Variants in UBOX5 observed in about 807,000 individuals in gnomAD.
UBOX5 encodes U-box domain containing 5.
Under a neutral mutation model 39.0 loss-of-function variants are expected in UBOX5, and 28 were observed. The observed-to-expected ratio is 0.72, with a 90% CI of 0.53 to 0.98. The LOEUF is 0.98. Among genes scored for constraint, UBOX5 ranks in the 50% least tolerant of loss-of-function variants. The pLI is 0.00. For missense variants in UBOX5, 585 were observed against 674.4 expected (o/e 0.87, Z 1.47); for synonymous variants, 283 against 275.5 (o/e 1.03, Z -0.27).
intron 3 of UBOX5, among the ~76,000 whole-genome samples, chr20:3,118,900 C>T (rs1432827069): frequency 1.3e-5 from 2 of 152,104 alleles, no homozygotes; most frequent in Non-Finnish European, 2.9e-5. Flanking sequence ...GATCACACCA[C>T]TGCACTCTAC....
chr20:3,121,106 C>T (rs986739652), intron 3 of UBOX5, among the ~76,000 whole-genome samples: 4 of 152,180 alleles, frequency 2.6e-5, no homozygotes, highest in African/African-American at 4.8e-5. Context: ...GGCAACAGTG[C>T]CCATGGGACC....
At chr20:3,144,664 C>G (rs1016398641) in intron 1 of UBOX5, among the ~76,000 whole-genome samples, 5 of 152,162 alleles carry the variant, frequency 3.3e-5, no homozygotes, top group Admixed American at 2.6e-4. Context: ...GAAGACAACT[C>G]ACAGAATGGG....
chr20:3,134,557 G>GAA (rs34926292), intron 1 of UBOX5, among the ~76,000 whole-genome samples: 1 of 81,986 alleles, frequency 1.2e-5, no homozygotes, highest in Non-Finnish European at 2.3e-5. Context: ...GACCCCATCT[G>GAA]AAAAAAAAAA....
intron 1 of UBOX5, among the ~76,000 whole-genome samples, chr20:3,157,561 A>AG (rs2122135705): frequency 6.6e-6 from 1 of 152,370 alleles, no homozygotes; most frequent in South Asian, 2.1e-4. Context: ...AGTATGACTA[A>AG]GCCCTGTAGA....
chr20:3,142,130 A>C (rs1392182293), intron 1 of UBOX5, among the ~76,000 whole-genome samples: 1 of 149,276 alleles, frequency 6.7e-6, no homozygotes, highest in Non-Finnish European at 1.5e-5. Flanking sequence ...CTGCACTCCC[A>C]GTATGGGCAA....
intron 1 of UBOX5, among the ~76,000 whole-genome samples, chr20:3,132,906 G>C (rs1476517235): frequency 6.6e-6 from 1 of 151,426 alleles, no homozygotes; most frequent in Non-Finnish European, 1.5e-5. Context: ...GGGATTGCTT[G>C]AGGTCAGAAG....
intron 1 of UBOX5, among the ~76,000 whole-genome samples, chr20:3,125,344 C>T (rs375428667): frequency 5.0e-5 from 7 of 139,502 alleles, no homozygotes; most frequent in South Asian, 4.7e-4. Context: ...CCGGCTGCCC[C>T]GTCTGGGAGG....
intron 1 of UBOX5, among the ~76,000 whole-genome samples, chr20:3,144,103 T>C (rs1339760048): frequency 6.6e-6 from 1 of 152,120 alleles, no homozygotes; most frequent in African/African-American, 2.4e-5. Context: ...GATGGCAAAA[T>C]TCCCCAAAGC....
At chr20:3,136,015 A>G (rs1396498536) in intron 1 of UBOX5, 3 of 152,212 alleles carry the variant, frequency 2.0e-5, no homozygotes, top group Non-Finnish European at 4.4e-5. Flanking sequence ...GACAACAGCA[A>G]TTCTGAACCA....
intron 1 of UBOX5, among the ~76,000 whole-genome samples, chr20:3,155,711 G>C (rs897723999): frequency 6.6e-6 from 1 of 152,194 alleles, no homozygotes; most frequent in Non-Finnish European, 1.5e-5. Flanking sequence ...TAGCTTAATA[G>C]ATAAGGAAAA....
At chr20:3,147,290 A>C (rs1225514337) in intron 1 of UBOX5, 1 of 1,614,226 alleles carries the variant, frequency 6.2e-7, no homozygotes, top group African/African-American at 1.3e-5. Flanking sequence ...GTTAACATCA[A>C]GCTGGACCTC....
chr20:3,121,850 G>A lies in UBOX5; in HGVS notation c.789C>T (p.Phe263=). 2 of 1,614,066 alleles carry A rather than the reference G, an allele frequency of 1.2e-6. No homozygotes were observed. The highest frequency in any genetic ancestry group is 1.7e-6 in the Non-Finnish European group (2 of 1,180,032). ...TGATCTCCAGGGTGATGGGATCCAG[G>A]AACTCCTCAGGCACATCCTGAATGA... ...AEIIQDVPEE[F]LDPITLEIMP... The change falls in exon 3 of 5, where the codon TTC becomes TTT. Residue 263 remains phenylalanine, a synonymous_variant. Coordinates refer to ENST00000217173, the MANE Select transcript of UBOX5 (RefSeq NM_014948.4).
At chr20:3,127,142 T>G (rs2066396776) in intron 1 of UBOX5, among the ~76,000 whole-genome samples, 1 of 151,186 alleles carries the variant, frequency 6.6e-6, no homozygotes, top group African/African-American at 2.4e-5. Flanking sequence ...GGGAAGCCAC[T>G]GAAAACACCC....
At chr20:3,131,520 G>A (rs940188219) in intron 1 of UBOX5, among the ~76,000 whole-genome samples, 5 of 152,048 alleles carry the variant, frequency 3.3e-5, no homozygotes, top group Admixed American at 6.6e-5. Flanking sequence ...AATTTATTTT[G>A]CTCATATTTA....
chr20:3,110,305 C>A lies in UBOX5; in HGVS notation c.1427G>T (p.Gly476Val), dbSNP rs776267908. ...GGCACATTCGGGGCCCAGGATGCTCCCAGGCTGCTCTGGTAAATCAGGAAG... is the reference window on the plus strand; with the variant it reads ...GGCACATTCGGGGCCCAGGATGCTCACAGGCTGCTCTGGTAAATCAGGAAG... ...WRPGTGSEQP[G>V]SILGPECASC... The change falls in exon 5 of 5, where the codon GGG becomes GTG. Residue 476 changes from glycine to valine, a missense_variant. Physicochemically the swap from Gly to Val is moderately radical, Grantham distance 109. Transcript: ENST00000217173. 1.9e-6 allele frequency: 3 copies of A among 1,614,022 alleles called. No individual in the cohort carries two copies. Among genetic ancestry groups the A allele is most frequent in the Non-Finnish European group, 2.5e-6 (3 of 1,179,962 alleles).
chr20:3,136,890 C>T (rs1466451214), intron 1 of UBOX5, among the ~76,000 whole-genome samples: 1 of 150,738 alleles, frequency 6.6e-6, no homozygotes, highest in Non-Finnish European at 1.5e-5. Context: ...CTCCTTACCT[C>T]GTGATCCACT....
chr20:3,130,226 A>AAAATAAAT (rs58208899), intron 1 of UBOX5, among the ~76,000 whole-genome samples: 98 of 145,508 alleles, frequency 6.7e-4, no homozygotes, highest in Non-Finnish European at 1.1e-3. Context: ...CCTGTCTCCA[A>AAAATAAAT]AAATAAATAA....
intron 1 of UBOX5, among the ~76,000 whole-genome samples, chr20:3,124,913 G>A (rs1276849350): frequency 7.0e-6 from 1 of 143,102 alleles, no homozygotes; most frequent in Non-Finnish European, 1.5e-5. Context: ...GAGTGCCTCT[G>A]CCTGGCCACC....
chr20:3,128,615 A>G (rs2066407253), intron 1 of UBOX5, among the ~76,000 whole-genome samples: 1 of 152,160 alleles, frequency 6.6e-6, no homozygotes, highest in African/African-American at 2.4e-5. Context: ...TAATCCGAAC[A>G]CTTTAGGAGG....
Sources: allele counts gnomAD v4.1 joint callset (sites outside exome capture counted in the v4.1 genomes callset), GRCh38; gene constraint gnomAD v4.1.1; transcripts MANE v1.5; gene names NCBI Gene and HGNC (gene_info 2026-07-23, HGNC 2026-07-21).